Variants in ARHGEF11 observed in about 807,000 individuals in gnomAD.
ARHGEF11 encodes Rho guanine exchange factor (GEF) 11.
Under a neutral mutation model 193.7 loss-of-function variants are expected in ARHGEF11, and 55 were observed. The observed-to-expected ratio is 0.28, with a 90% confidence interval of 0.23 to 0.36. The LOEUF (loss-of-function observed/expected upper bound fraction) is 0.36, where lower values mean the gene tolerates loss of function less well. Among genes scored for constraint, ARHGEF11 ranks in the 10% least tolerant of loss-of-function variants. ARHGEF11 has a pLI of 1.00. For synonymous variants in ARHGEF11, 693 were observed against 768.0 expected (o/e 0.90, Z 1.62); for missense variants, 1,723 against 2,005.6 (o/e 0.86, Z 2.69).
At chr1:156,957,338 C>CA (rs1045837309) in intron 18 of ARHGEF11, among the ~76,000 whole-genome samples, 64 of 146,714 alleles carry the variant, frequency 4.4e-4, no homozygotes, top group South Asian at 6.5e-4. Context: ...ATATAGGCTG[C>CA]AAAAAAAAAA....
intron 7 of ARHGEF11, among the ~76,000 whole-genome samples, chr1:156,975,524 G>C (rs1287340995): frequency 2.6e-4 from 39 of 152,102 alleles, no homozygotes; most frequent in Admixed American, 2.6e-3. Context: ...TTTCTTGATA[G>C]AATCCTTTGA....
chr1:156,979,188 A>G lies in ARHGEF11; in HGVS notation c.331+41T>C. On this transcript the variant is annotated intron_variant, in intron 5 of 40. Coordinates refer to ENST00000368194, the MANE Select transcript of ARHGEF11 (RefSeq NM_198236.3). Reference sequence around the variant, plus strand: ...TCCCTCCTTTCCTCCCTCTCGGATCATCTGCTTCCCTACTTTAGTTGTCAC... The same window carrying G: ...TCCCTCCTTTCCTCCCTCTCGGATCGTCTGCTTCCCTACTTTAGTTGTCAC... 6 of 1,597,504 alleles carry G rather than the reference A, an allele frequency of 3.8e-6. No homozygotes were observed. The South Asian group carries it at 6.6e-5, about 18-fold the overall frequency.
intron 1 of ARHGEF11, among the ~76,000 whole-genome samples, chr1:156,996,480 T>C (rs1666503489): frequency 6.6e-6 from 1 of 151,706 alleles, no homozygotes. Flanking sequence ...GTCAATGCAA[T>C]ATGGGAGAAA....
intron 1 of ARHGEF11, among the ~76,000 whole-genome samples, chr1:157,040,119 GCTC>G (rs1244372864): frequency 1.3e-5 from 2 of 152,186 alleles, no homozygotes; most frequent in East Asian, 3.8e-4. Flanking sequence ...AGCTTAGTCT[GCTC>G]CTTCTCATAA....
intron 29 of ARHGEF11, chr1:156,945,747 C>G: frequency 2.9e-6 from 1 of 344,958 alleles, no homozygotes; most frequent in South Asian, 3.8e-5. Flanking sequence ...CCAGAGGGAC[C>G]CAGGTGCCCT....
intron 1 of ARHGEF11, among the ~76,000 whole-genome samples, chr1:157,018,680 AG>A (rs1669596458): frequency 6.6e-6 from 1 of 152,102 alleles, no homozygotes; most frequent in Non-Finnish European, 1.5e-5. Context: ...AAAAAGACCT[AG>A]AATACTAAAA....
chr1:156,970,306 T>C (rs554873378), intron 8 of ARHGEF11, among the ~76,000 whole-genome samples: 2 of 152,242 alleles, frequency 1.3e-5, no homozygotes, highest in South Asian at 2.1e-4. Context: ...AAAGCATCTA[T>C]TGCCTTATTT....
At chr1:156,997,609 C>A (rs148041464) in intron 1 of ARHGEF11, among the ~76,000 whole-genome samples, 2 of 152,132 alleles carry the variant, frequency 1.3e-5, no homozygotes, top group Non-Finnish European at 2.9e-5. Flanking sequence ...TTACTAGGAG[C>A]TGACACTGGG....
Position 156,967,816 on chromosome 1 carries a change from C to T in ARHGEF11, c.963+171G>A, listed in dbSNP as rs1208543603. 5.0e-5 allele frequency: 40 copies of T among 799,030 alleles called. No homozygotes were observed. The East Asian group carries it at 5.6e-4, about 11-fold the overall frequency. 49.5% of individuals were successfully genotyped at this position (799,030 alleles called of 1,614,324 possible). A position where few individuals can be genotyped will look rare whatever the true frequency, so the allele number is the denominator to read the frequency against. Reference sequence around the variant, plus strand: ...CTTACTTTCATATCTCTATTTATGCCATGTTCTCTTTCTTTACTATTTGCT... The same window carrying T: ...CTTACTTTCATATCTCTATTTATGCTATGTTCTCTTTCTTTACTATTTGCT... On this transcript the variant is annotated intron_variant, in intron 11 of 40. Transcript: ENST00000368194.
At chr1:157,024,458 A>C (rs1448889491) in intron 1 of ARHGEF11, among the ~76,000 whole-genome samples, 1 of 152,198 alleles carries the variant, frequency 6.6e-6, no homozygotes, top group Non-Finnish European at 1.5e-5. Context: ...TCAAACTATA[A>C]AACTCCAAGT....
At chr1:156,957,873 G>A (rs568914163) in intron 17 of ARHGEF11, 58 bp from the exon 18 acceptor site, 8 of 1,581,844 alleles carry the variant, frequency 5.1e-6, no homozygotes, top group Admixed American at 1.7e-5. Context: ...TGGTCACCTG[G>A]TTAGAGGCTA....
chr1:156,984,224 G>GT (rs1334695986), intron 3 of ARHGEF11, 115 bp downstream of exon 3: 1 of 851,456 alleles, frequency 1.2e-6, no homozygotes, highest in Admixed American at 2.5e-5. Context: ...TGGAGAACCA[G>GT]TTCTAGAGTA....
chr1:157,024,687 T>C lies in ARHGEF11; in HGVS notation c.32+19612A>G, dbSNP rs78951475. On this transcript the variant is annotated intron_variant, in intron 1 of 40. Transcript: ENST00000368194. Reference sequence around the variant, plus strand: ...TCCATTTATAATAATCTCCTTTTCATCTCTGACCAAAAGCCGTATTAAAGA... The same window carrying C: ...TCCATTTATAATAATCTCCTTTTCACCTCTGACCAAAAGCCGTATTAAAGA... Among the ~76,000 whole-genome samples, 1,026 of 151,054 alleles carry C rather than the reference T, an allele frequency of 6.8e-3. 13 individuals carry two copies. The highest frequency in any genetic ancestry group is 0.023 in the African/African-American group (949 of 41,098).
In ARHGEF11 at chr1:156,947,332, C is replaced by T. The variant is rs757035620; in HGVS notation, c.2460G>A (p.Pro820=). The change falls in exon 26 of 41, where the codon CCG becomes CCA. Residue 820 remains proline (P), a synonymous_variant. Coordinates refer to ENST00000368194, the MANE Select transcript of ARHGEF11 (RefSeq NM_198236.3). ...MPREELARLF[P]NLPELIEIHN... ...GAATCTCTATGAGTTCAGGCAGGTT[C>T]GGGAAGAGCCGGGCCAGCTCCTCCC... 2.2e-5 allele frequency: 35 copies of T among 1,611,694 alleles called. No individual in the cohort carries two copies. The East Asian group carries it at 3.8e-4, about 17-fold the overall frequency.
intron 11 of ARHGEF11, among the ~76,000 whole-genome samples, chr1:156,967,704 T>C (rs958438149): frequency 3.3e-5 from 5 of 152,216 alleles, no homozygotes; most frequent in Non-Finnish European, 7.3e-5. Flanking sequence ...TCCTATTCTG[T>C]ATAGACAGAA....
In ARHGEF11 at chr1:156,949,124, A is replaced by G. The variant is rs554359066; in HGVS notation, c.1926-626T>C. On this transcript the variant is annotated intron_variant, in intron 22 of 40. Transcript: ENST00000368194. ...TGAGTTCCATTCTTATCTTAACAAT[A>G]CTGTTCCTAAGATTCCATTTCCTCT... 6.1e-6 allele frequency: 6 copies of G among 985,046 alleles called. No individual in the cohort carries two copies. The East Asian group carries it at 6.8e-4, about 112-fold the overall frequency. The allele number at this position is 985,046 out of a possible 1,614,324, so 61.0% of individuals were successfully genotyped here. A position where few individuals can be genotyped will look rare whatever the true frequency, so the allele number is the denominator to read the frequency against.
intron 1 of ARHGEF11, among the ~76,000 whole-genome samples, chr1:157,012,014 A>C (rs1668602862): frequency 6.6e-6 from 1 of 152,222 alleles, no homozygotes; most frequent in Non-Finnish European, 1.5e-5. Flanking sequence ...TGTTCACACA[A>C]AAACTTGTAC....
intron 26 of ARHGEF11, 111 bp downstream of exon 26, chr1:156,947,193 A>C (rs1658302164): frequency 6.7e-7 from 1 of 1,502,968 alleles, no homozygotes; most frequent in Non-Finnish European, 9.0e-7. Flanking sequence ...TTTTCTCACC[A>C]GGGATTGGTG....
At position 156,978,363 on chromosome 1, in the gene ARHGEF11, G is replaced by A. The variant is rs775005938; in HGVS notation, c.351C>T (p.Leu117=). ...KLIKSGAYVA[L]TLLGSSPSSM... ...ATGAAGGTGAAGAGCCCAGGAGGGTGAGTGCGACATAGGCGCCAGCTAGAG... is the reference window on the plus strand; with the variant it reads ...ATGAAGGTGAAGAGCCCAGGAGGGTAAGTGCGACATAGGCGCCAGCTAGAG... Residue 117 remains leucine (L), a synonymous_variant, in exon 6 of 41, where the codon CTC becomes CTT. Coordinates refer to ENST00000368194, the MANE Select transcript of ARHGEF11 (RefSeq NM_198236.3). The A allele has an allele frequency of 6.2e-7, 1 of 1,609,102 alleles. No individual in the cohort carries two copies. The highest frequency in any genetic ancestry group is 8.5e-7 in the Non-Finnish European group (1 of 1,177,474).
Sources: allele counts gnomAD v4.1 joint callset (sites outside exome capture counted in the v4.1 genomes callset), GRCh38; gene constraint gnomAD v4.1.1; transcripts MANE v1.5; gene names NCBI Gene and HGNC (gene_info 2026-07-23, HGNC 2026-07-21).